The following FAM168B variants were observed in gnomAD, a reference collection of about 807,000 sequenced individuals.
The protein encoded by FAM168B is family with sequence similarity 168 member B, also known as myelin-associated neurite-outgrowth inhibitor.
FAM168B carries 19 observed loss-of-function variants against 21.8 expected under a neutral mutation model. That is an observed-to-expected ratio of 0.87 (90% CI 0.61 to 1.28). FAM168B has a LOEUF of 1.28. Ranked by LOEUF, FAM168B falls within the 50% of genes most tolerant of loss-of-function variation. FAM168B has a pLI of 0.00. For synonymous variants in FAM168B, 126 were observed against 104.8 expected (o/e 1.20, Z -1.24); for missense variants, 233 against 263.1 (o/e 0.89, Z 0.79).
chr2:131,067,523 T>C lies in FAM168B; in HGVS notation c.154+4332A>G, dbSNP rs80198405. Reference sequence around the variant, plus strand: ...TGAGAGGTCAAGATGAGAGGACTGCTTGTGCTCAGGAATTTGAAACCAGCT... The same window carrying C: ...TGAGAGGTCAAGATGAGAGGACTGCCTGTGCTCAGGAATTTGAAACCAGCT... On this transcript the variant is annotated intron_variant, in intron 3 of 6. Transcript: ENST00000389915. Among the ~76,000 whole-genome samples the C allele has an allele frequency of 7.7e-3, 1,170 of 152,248 alleles. 24 individuals carry two copies. Among genetic ancestry groups the C allele is most frequent in the East Asian group, 0.044 (229 of 5,166 alleles).
intron 2 of FAM168B, among the ~76,000 whole-genome samples, chr2:131,079,257 C>G (rs1448229031): frequency 2.0e-5 from 3 of 152,220 alleles, no homozygotes; most frequent in Admixed American, 6.5e-5. Flanking sequence ...CACCTGAGGT[C>G]AGGAGTTTAA....
rs563110032 is a variant in FAM168B, at chr2:131,050,858, C to T, written c.*1607G>A. The T allele has an allele frequency of 3.3e-3, 3,264 of 985,506 alleles. 3 individuals carry two copies. Among genetic ancestry groups the T allele is most frequent in the Non-Finnish European group, 3.7e-3 (3,073 of 830,024 alleles). The allele number at this position is 985,506 out of a possible 1,614,324, so 61.0% of individuals were successfully genotyped here. On this transcript the variant is annotated 3_prime_UTR_variant, in exon 7 of 7. Coordinates refer to ENST00000389915, the MANE Select transcript of FAM168B (RefSeq NM_001009993.4). Reference sequence around the variant, plus strand: ...CCACAGCACTCAAACCACCACTGCACTGGGAAGAAGACGCACGCTCCTGCC... The same window carrying T: ...CCACAGCACTCAAACCACCACTGCATTGGGAAGAAGACGCACGCTCCTGCC...
chr2:131,048,625 A>T lies in FAM168B; in HGVS notation c.*3840T>A. On this transcript the variant is annotated 3_prime_UTR_variant, in exon 7 of 7. Transcript: ENST00000389915. ...GTTACTTGGTCAGTTGAGCCCCTGG[A>T]GCCCTCAGGACCTACTGATAAAGCA... is the stretch of plus-strand genomic sequence containing the variant. 6.5e-6 allele frequency: 7 copies of T among 1,079,034 alleles called. No homozygotes were observed. The highest frequency in any genetic ancestry group is 7.9e-6 in the Non-Finnish European group (7 of 882,978). The allele number at this position is 1,079,034 out of a possible 1,614,324, so 66.8% of individuals were successfully genotyped here. A position where few individuals can be genotyped will look rare whatever the true frequency, so the allele number is the denominator to read the frequency against.
intron 5 of FAM168B, among the ~76,000 whole-genome samples, chr2:131,054,372 A>G (rs1691882224): frequency 6.6e-6 from 1 of 152,186 alleles, no homozygotes; most frequent in Non-Finnish European, 1.5e-5. Context: ...CCTCCAACAC[A>G]GTGGCACCCA....
intron 3 of FAM168B, among the ~76,000 whole-genome samples, chr2:131,060,423 A>G (rs1294476144): frequency 1.3e-5 from 2 of 152,228 alleles, no homozygotes; most frequent in Admixed American, 6.5e-5. Context: ...AACGTTTCCT[A>G]ATCACTCTTT....
chr2:131,081,314 C>A (rs1405740546), intron 2 of FAM168B, among the ~76,000 whole-genome samples: 1 of 152,226 alleles, frequency 6.6e-6, no homozygotes, highest in Non-Finnish European at 1.5e-5. Context: ...TGATGGGAGG[C>A]ATCCCATGCT....
At chr2:131,085,845 T>C (rs893776194) in intron 1 of FAM168B, among the ~76,000 whole-genome samples, 1 of 152,218 alleles carries the variant, frequency 6.6e-6, no homozygotes, top group Non-Finnish European at 1.5e-5. Flanking sequence ...TCTCCATCTG[T>C]GCTGTCCCCT....
chr2:131,089,915 C>T (rs1173920120), intron 1 of FAM168B, among the ~76,000 whole-genome samples: 3 of 151,466 alleles, frequency 2.0e-5, no homozygotes, highest in East Asian at 3.9e-4. Flanking sequence ...ACCTGTAGTC[C>T]CAGCTACTTG....
intron 6 of FAM168B, 28 bp from the exon 7 acceptor site, chr2:131,052,480 C>T (rs1342591081): frequency 9.9e-7 from 1 of 1,005,286 alleles, no homozygotes; most frequent in Non-Finnish European, 1.2e-6. Context: ...GACACTCAGT[C>T]ACACAGAGCT....
chr2:131,080,988 A>C (rs1693405896), intron 2 of FAM168B, among the ~76,000 whole-genome samples: 1 of 151,962 alleles, frequency 6.6e-6, no homozygotes, highest in South Asian at 2.1e-4. Flanking sequence ...CTTTTCTTAC[A>C]GTTTCTCTAC....
chr2:131,089,594 C>A (rs1396342469), intron 1 of FAM168B, among the ~76,000 whole-genome samples: 6 of 151,120 alleles, frequency 4.0e-5, no homozygotes, highest in Non-Finnish European at 5.9e-5. Context: ...AGAAAATTAG[C>A]CACTCACAAC....
At chr2:131,082,336 A>C (rs1322830644) in intron 2 of FAM168B, among the ~76,000 whole-genome samples, 2 of 152,106 alleles carry the variant, frequency 1.3e-5, no homozygotes, top group Non-Finnish European at 2.9e-5. Flanking sequence ...CTAAGTTAAT[A>C]CTGAGGAAGC....
At chr2:131,064,809 G>A (rs996010382) in intron 3 of FAM168B, among the ~76,000 whole-genome samples, 4 of 152,322 alleles carry the variant, frequency 2.6e-5, no homozygotes, top group African/African-American at 9.6e-5. Flanking sequence ...AGATAAGAGA[G>A]AGGAAGGGAG....
rs1459748764 is a variant in FAM168B at position 131,048,870 on chromosome 2, A to AGGTCC, written c.*3590_*3594dup. 4 of 986,220 alleles carry AGGTCC rather than the reference A, an allele frequency of 4.1e-6. No homozygotes were observed. The highest frequency in any genetic ancestry group is 3.5e-5 in the African/African-American group (2 of 57,358). The allele number at this position is 986,220 out of a possible 1,614,324, so 61.1% of individuals were successfully genotyped here. A position where few individuals can be genotyped will look rare whatever the true frequency, so the allele number is the denominator to read the frequency against. On this transcript the variant is annotated 3_prime_UTR_variant, in exon 7 of 7. Coordinates refer to ENST00000389915, the MANE Select transcript of FAM168B (RefSeq NM_001009993.4). ...TGCCACCTGCTGCTGCGCCCAATGG[A>AGGTCC]GGTCCTGTCCTGTCCGGGCAACAGC...
intron 1 of FAM168B, among the ~76,000 whole-genome samples, chr2:131,089,909 G>A (rs951239516): frequency 3.3e-5 from 5 of 151,436 alleles, no homozygotes; most frequent in African/African-American, 1.2e-4. Flanking sequence ...GTGCACACCT[G>A]TAGTCCCAGC....
chr2:131,070,220 G>A (rs1692805772), intron 3 of FAM168B, among the ~76,000 whole-genome samples: 1 of 152,020 alleles, frequency 6.6e-6, no homozygotes, highest in Non-Finnish European at 1.5e-5. Flanking sequence ...CCACAGACTG[G>A]GAGAAAACAC....
In FAM168B at chr2:131,048,350, TGAG is replaced by T. The variant is rs1025760216; in HGVS notation, c.*4112_*4114del. On this transcript the variant is annotated 3_prime_UTR_variant, in exon 7 of 7. Transcript: ENST00000389915. ...AGGGACTCATGGGCACAGCCTGTGG[TGAG>T]GAGGAGACACCTGTCATGCCAGTCC... The T allele has an allele frequency of 4.8e-5, 62 of 1,299,678 alleles. No individual in the cohort carries two copies. In the African/African-American group the frequency reaches 6.5e-4, roughly 14 times the overall value. The allele number at this position is 1,299,678 out of a possible 1,614,324, so 80.5% of individuals were successfully genotyped here.
chr2:131,069,028 A>AGATGGGTGGCCCATGTTCC (rs1414746012), intron 3 of FAM168B, among the ~76,000 whole-genome samples: 3 of 152,270 alleles, frequency 2.0e-5, no homozygotes, highest in Admixed American at 2.0e-4. Flanking sequence ...AATAATAATG[A>AGATGGGTGGCCCATGTTCC]GATGGGTGGC....
intron 3 of FAM168B, among the ~76,000 whole-genome samples, chr2:131,071,529 CA>C (rs1353421206): frequency 6.6e-6 from 1 of 152,142 alleles, no homozygotes; most frequent in Admixed American, 6.5e-5. Context: ...TCTCTAAAAA[CA>C]TTAACATGGA....
Sources: allele counts gnomAD v4.1 joint callset (sites outside exome capture counted in the v4.1 genomes callset), GRCh38; gene constraint gnomAD v4.1.1; transcripts MANE v1.5; gene names NCBI Gene and HGNC (gene_info 2026-07-23, HGNC 2026-07-21).